NELL1: variants seen among roughly 807,000 people sequenced by gnomAD.
The protein encoded by NELL1 is neural EGFL like 1, also known as protein kinase C-binding protein NELL1.
In NELL1, 76 loss-of-function variants were observed where a neutral mutation model predicts 107.4. The ratio of observed to expected loss-of-function variants is 0.71; its 90% CI spans 0.59 to 0.86. The LOEUF is 0.86. NELL1 is among the 40% of genes least tolerant of loss of function. The pLI, the probability that NELL1 is intolerant of heterozygous loss-of-function variation, is 0.00. For missense variants in NELL1, 1,024 were observed against 1,005.5 expected, an observed-to-expected ratio of 1.02 and a Z score of -0.25; for synonymous variants, 353 against 341.2, an observed-to-expected ratio of 1.03 and a Z score of -0.38.
chr11:21,335,626 C>A (rs1482453851), intron 14 of NELL1, among the ~76,000 whole-genome samples: 3 of 152,168 alleles, frequency 2.0e-5, no homozygotes, highest in Non-Finnish European at 4.4e-5. Context: ...ACTGTCAGGG[C>A]ATCTGGGAAG....
At chr11:21,020,141 C>A (rs188943583) in intron 12 of NELL1, among the ~76,000 whole-genome samples, 1 of 152,042 alleles carries the variant, frequency 6.6e-6, no homozygotes. Flanking sequence ...AATAAAAATA[C>A]TATATGCCAA....
intron 5 of NELL1, among the ~76,000 whole-genome samples, chr11:20,897,496 C>T (rs1376829247): frequency 2.0e-5 from 3 of 152,162 alleles, no homozygotes; most frequent in Non-Finnish European, 2.9e-5. Context: ...TCAGGAAGGA[C>T]ATAGGCATGG....
intron 3 of NELL1, among the ~76,000 whole-genome samples, chr11:20,841,773 T>C (rs896742283): frequency 3.3e-5 from 5 of 151,984 alleles, no homozygotes; most frequent in African/African-American, 1.2e-4. Flanking sequence ...AAGAGCCTTT[T>C]GAGGAATCCT....
In NELL1 at chr11:21,487,660, C is replaced by CA. The variant is rs756256744; in HGVS notation, c.1646-46709dup. On this transcript the variant is annotated intron_variant, in intron 15 of 19. Coordinates refer to ENST00000357134, the MANE Select transcript of NELL1 (RefSeq NM_006157.5). ...AACCAGAAAACAATGAACAATATGACAAAAACCCTGACAGATCATTAATAA... is the reference window on the plus strand; with the variant it reads ...AACCAGAAAACAATGAACAATATGACAAAAAACCCTGACAGATCATTAATAA... Among the ~76,000 whole-genome samples the CA allele has an allele frequency of 4.5e-4, 68 of 152,004 alleles. 1 individual carries two copies. Among genetic ancestry groups the CA allele is most frequent in the Admixed American group, 2.6e-3 (39 of 15,258 alleles).
At chr11:21,524,590 T>A (rs4614448) in intron 15 of NELL1, among the ~76,000 whole-genome samples, 1 of 151,908 alleles carries the variant, frequency 6.6e-6, no homozygotes, top group Non-Finnish European at 1.5e-5. Context: ...TAGGTGGGTA[T>A]GTAAAGCAAC....
intron 2 of NELL1, among the ~76,000 whole-genome samples, chr11:20,771,871 C>T (rs1044433011): frequency 1.3e-5 from 2 of 152,046 alleles, no homozygotes; most frequent in African/African-American, 2.4e-5. Flanking sequence ...CCCATTAAAC[C>T]GAAACAATAA....
chr11:21,145,924 A>C (rs537918548), intron 13 of NELL1, among the ~76,000 whole-genome samples: 1 of 152,064 alleles, frequency 6.6e-6, no homozygotes, highest in East Asian at 1.9e-4. Context: ...CCCTCATTCT[A>C]TCTTCAGGGT....
At chr11:21,013,565 A>G (rs1565014958) in intron 12 of NELL1, among the ~76,000 whole-genome samples, 2 of 152,234 alleles carry the variant, frequency 1.3e-5, no homozygotes, top group South Asian at 2.1e-4. Flanking sequence ...TCTGCTAAGG[A>G]TGTATTTCCC....
intron 10 of NELL1, among the ~76,000 whole-genome samples, chr11:20,941,855 G>T (rs767233699): frequency 1.3e-5 from 2 of 152,144 alleles, no homozygotes; most frequent in Non-Finnish European, 2.9e-5. Flanking sequence ...GTGAGGCACA[G>T]ACAGAAGGAA....
At chr11:21,405,123 TG>T (rs1177475600) in intron 15 of NELL1, among the ~76,000 whole-genome samples, 1 of 152,040 alleles carries the variant, frequency 6.6e-6, no homozygotes, top group East Asian at 1.9e-4. Flanking sequence ...TTCCGATGGC[TG>T]GGTGGTTCCA....
Position 20,945,203 on chromosome 11 carries a change from T to G in NELL1, c.1072-2133T>G, listed in dbSNP as rs766581822. ...CCCCCAGGAGAAACCAGTGAGGGTG[T>G]GGGGGATGCCAGATGGAGAAGGGGA... On this transcript the variant is annotated intron_variant, in intron 10 of 19. Coordinates refer to ENST00000357134, the MANE Select transcript of NELL1 (RefSeq NM_006157.5). Among the ~76,000 whole-genome samples, 5 of 152,244 alleles carry G rather than the reference T, an allele frequency of 3.3e-5. No homozygotes were observed. The East Asian group carries it at 9.7e-4, about 29-fold the overall frequency.
intron 15 of NELL1, among the ~76,000 whole-genome samples, chr11:21,503,146 G>T (rs998874339): frequency 1.3e-5 from 2 of 152,198 alleles, no homozygotes; most frequent in South Asian, 2.1e-4. Flanking sequence ...CTCCCAAAGT[G>T]CCGGGACTAC....
intron 17 of NELL1, among the ~76,000 whole-genome samples, chr11:21,567,067 C>T (rs1011605902): frequency 4.0e-5 from 6 of 151,786 alleles, no homozygotes; most frequent in Admixed American, 6.6e-5. Flanking sequence ...TGTTGTGCAG[C>T]GACCTTTTCT....
rs1178065563 is a variant in NELL1, at chr11:20,894,993, C to T, written c.603+9453C>T. ...AAACATTGAAATTATTCCCTCTGGC[C>T]GGGCGCGGTGGCTCACGCCTGTAAT... On this transcript the variant is annotated intron_variant, in intron 5 of 19. Transcript: ENST00000357134. 2.7e-5 allele frequency among the ~76,000 whole-genome samples: 4 copies of T among 146,042 alleles called. 1 individual carries two copies. Among genetic ancestry groups the T allele is most frequent in the East Asian group, 1.9e-4 (1 of 5,134 alleles).
At chr11:21,103,895 A>C (rs1203289390) in intron 12 of NELL1, among the ~76,000 whole-genome samples, 2 of 152,198 alleles carry the variant, frequency 1.3e-5, no homozygotes, top group Non-Finnish European at 2.9e-5. Context: ...TTGTTTTTAC[A>C]AAGTTCATGT....
intron 15 of NELL1, among the ~76,000 whole-genome samples, chr11:21,532,667 G>A (rs185633513): frequency 6.6e-6 from 1 of 151,370 alleles, no homozygotes; most frequent in Non-Finnish European, 1.5e-5. Context: ...TTTTCTGAGA[G>A]CTTTGGAAAT....
intron 14 of NELL1, among the ~76,000 whole-genome samples, chr11:21,291,144 A>G (rs1460497219): frequency 6.6e-6 from 1 of 152,238 alleles, no homozygotes; most frequent in Non-Finnish European, 1.5e-5. Flanking sequence ...AGAGAAGAAC[A>G]TAAATGACCT....
chr11:20,755,210 A>G (rs985515992), intron 2 of NELL1, among the ~76,000 whole-genome samples: 4 of 152,172 alleles, frequency 2.6e-5, no homozygotes, highest in Admixed American at 6.5e-5. Flanking sequence ...GTGCTCAGGT[A>G]AAAACCCAGC....
chr11:21,309,274 A>ATG (rs1849680839), intron 14 of NELL1, among the ~76,000 whole-genome samples: 2 of 21,882 alleles, frequency 9.1e-5, no homozygotes, highest in African/African-American at 1.7e-4. Flanking sequence ...ATATATATAT[A>ATG]TATATGTATA....
Sources: gnomAD v4.1 joint callset for allele counts (sites outside exome capture counted in the v4.1 genomes callset) on GRCh38, gnomAD v4.1.1 for gene constraint, MANE v1.5 for transcripts, NCBI Gene and HGNC (gene_info 2026-07-23, HGNC 2026-07-21) for gene names.